LYAR: variants seen among roughly 807,000 people sequenced by gnomAD.
The protein encoded by LYAR is Ly1 antibody reactive, also known as cell growth-regulating nucleolar protein.
LYAR carries 37 observed loss-of-function variants against 45.2 expected under a neutral mutation model. The ratio of observed to expected loss-of-function variants is 0.82; its 90% confidence interval spans 0.63 to 1.08. The LOEUF (loss-of-function observed/expected upper bound fraction) is 1.08. Ranked by LOEUF, LYAR falls within the 50% of genes least tolerant of loss-of-function variation. LYAR has a pLI of 0.00. For synonymous variants in LYAR, 176 were observed against 155.1 expected (o/e 1.14, Z -1.00); for missense variants, 493 against 451.0 (o/e 1.09, Z -0.84).
chr4:4,288,129 C>T (rs560811988), intron 1 of LYAR, among the ~76,000 whole-genome samples: 74 of 152,302 alleles, frequency 4.9e-4, no homozygotes, highest in East Asian at 1.2e-3. Context: ...ATCTGTTTAT[C>T]TGTAAAATGG....
At chr4:4,277,811 CCG>C (rs1278396916) in intron 6 of LYAR, among the ~76,000 whole-genome samples, 2 of 152,168 alleles carry the variant, frequency 1.3e-5, no homozygotes, top group Admixed American at 6.5e-5. Context: ...AGAAAAGCAT[CCG>C]ACCTGACATC....
chr4:4,286,119 C>A (rs12108431), intron 2 of LYAR, among the ~76,000 whole-genome samples: 10 of 151,996 alleles, frequency 6.6e-5, no homozygotes, highest in African/African-American at 2.2e-4. Flanking sequence ...TGCCTTCCTC[C>A]GGATTTTTAC....
chr4:4,279,596 C>A (rs1345228748), intron 5 of LYAR, 46 bp downstream of exon 5: 2 of 1,569,514 alleles, frequency 1.3e-6, no homozygotes, highest in Middle Eastern at 1.7e-4. Context: ...AGCTCAGTCA[C>A]TGATGGGCCA....
At chr4:4,271,745 T>C (rs1473500038) in intron 8 of LYAR, among the ~76,000 whole-genome samples, 1 of 152,242 alleles carries the variant, frequency 6.6e-6, no homozygotes, top group Admixed American at 6.5e-5. Context: ...CATTGAACAT[T>C]CGCTTCAGAA....
intron 8 of LYAR, among the ~76,000 whole-genome samples, chr4:4,270,981 T>C (rs964289123): frequency 2.6e-5 from 4 of 152,356 alleles, no homozygotes. Context: ...AAATGGGGTA[T>C]CCATCACCTC....
intron 8 of LYAR, among the ~76,000 whole-genome samples, chr4:4,270,425 CTG>C (rs1173500495): frequency 6.6e-6 from 1 of 150,578 alleles, no homozygotes; most frequent in Non-Finnish European, 1.5e-5. Context: ...TAAAAAGACT[CTG>C]TTATGATGAA....
intron 8 of LYAR, 43 bp from the exon 9 acceptor site, chr4:4,268,658 T>G (rs781089465): frequency 7.4e-7 from 1 of 1,346,330 alleles, no homozygotes; most frequent in South Asian, 1.3e-5. Flanking sequence ...CGTTTTGTTG[T>G]ACTACGAGAA....
intron 1 of LYAR, among the ~76,000 whole-genome samples, chr4:4,288,288 T>C (rs1353620995): frequency 6.6e-6 from 1 of 152,102 alleles, no homozygotes; most frequent in Non-Finnish European, 1.5e-5. Flanking sequence ...CCTAAACCCA[T>C]GCTCCTTTAA....
chr4:4,276,333 C>T (rs1472783053), intron 6 of LYAR, among the ~76,000 whole-genome samples: 1 of 151,974 alleles, frequency 6.6e-6, no homozygotes, highest in Non-Finnish European at 1.5e-5. Flanking sequence ...CAAAACTGGA[C>T]CAAATAAAAA....
At chr4:4,272,186 G>A (rs765348405) in intron 8 of LYAR, among the ~76,000 whole-genome samples, 1 of 152,198 alleles carries the variant, frequency 6.6e-6, no homozygotes, top group Non-Finnish European at 1.5e-5. Flanking sequence ...CTGAGATGCT[G>A]TACTACAGTT....
At chr4:4,274,045 AG>A (rs923786891) in intron 7 of LYAR, among the ~76,000 whole-genome samples, 1 of 152,108 alleles carries the variant, frequency 6.6e-6, no homozygotes, top group African/African-American at 2.4e-5. Context: ...GAGACCAGCC[AG>A]GCTAACATGG....
chr4:4,279,369 C>A, intron 6 of LYAR, 78 bp downstream of exon 6: 1 of 1,021,504 alleles, frequency 9.8e-7, no homozygotes, highest in Non-Finnish European at 1.5e-6. Context: ...GCCTTGACTT[C>A]CAAAAATAAG....
At chr4:4,273,747 G>A (rs1288158522) in intron 7 of LYAR, 78 bp from the exon 8 acceptor site, 10 of 798,190 alleles carry the variant, frequency 1.3e-5, no homozygotes, top group Admixed American at 6.2e-5. Context: ...GACCTTATGC[G>A]AGCTAGGCAA....
At position 4,269,692 on chromosome 4, in the gene LYAR, T is replaced by C. The variant is rs183994590; in HGVS notation, c.920-1077A>G. On this transcript the variant is annotated intron_variant, in intron 8 of 9. Coordinates refer to ENST00000343470, the MANE Select transcript of LYAR (RefSeq NM_017816.3). ...CAAAGTCATGTGAGAGAAAGCCAGT[T>C]AAAACAGAAAGCGTAAACAGGATCT... Among the ~76,000 whole-genome samples, 434 of 152,266 alleles carry C rather than the reference T, an allele frequency of 2.9e-3. 1 individual carries two copies. Among genetic ancestry groups the C allele is most frequent in the Non-Finnish European group, 4.3e-3 (292 of 68,034 alleles).
At chr4:4,272,665 C>T (rs1246301090) in intron 8 of LYAR, among the ~76,000 whole-genome samples, 2 of 152,172 alleles carry the variant, frequency 1.3e-5, no homozygotes, top group Non-Finnish European at 2.9e-5. Context: ...CGCCATGCTG[C>T]TCAGAACAGC....
chr4:4,286,852 CGT>C (rs1293773216), intron 1 of LYAR, among the ~76,000 whole-genome samples: 3 of 151,974 alleles, frequency 2.0e-5, no homozygotes, highest in African/African-American at 7.3e-5. Flanking sequence ...GGGGTTTCAC[CGT>C]GTTAGCCAGG....
chr4:4,281,698 G>T, intron 4 of LYAR, 85 bp downstream of exon 4: 1 of 957,812 alleles, frequency 1.0e-6, no homozygotes, highest in South Asian at 1.4e-5. Context: ...CTGCAGGGAT[G>T]ACACATTTAC....
At chr4:4,285,501 G>C (rs763461410) in intron 2 of LYAR, among the ~76,000 whole-genome samples, 1 of 152,226 alleles carries the variant, frequency 6.6e-6, no homozygotes, top group Non-Finnish European at 1.5e-5. Flanking sequence ...GCTGGAATAA[G>C]AGCCAACATC....
At chr4:4,288,902 C>A (rs1269240124) in intron 1 of LYAR, among the ~76,000 whole-genome samples, 2 of 152,244 alleles carry the variant, frequency 1.3e-5, no homozygotes, top group Non-Finnish European at 2.9e-5. Context: ...CCAGGATATC[C>A]CCCACTGAAC....
Sources: gnomAD v4.1 joint callset for allele counts (sites outside exome capture counted in the v4.1 genomes callset) on GRCh38, gnomAD v4.1.1 for gene constraint, MANE v1.5 for transcripts, NCBI Gene and HGNC (gene_info 2026-07-23, HGNC 2026-07-21) for gene names.